HRH1: variants seen among roughly 807,000 people sequenced by gnomAD.
The protein encoded by HRH1 is histamine receptor H1.
In HRH1, 6 loss-of-function variants were observed where a neutral mutation model predicts 10.3. That is an observed-to-expected ratio of 0.58 (90% CI 0.32 to 1.15). The LOEUF is 1.15. Ranked by LOEUF, HRH1 falls within the 50% of genes most tolerant of loss-of-function variation. HRH1 has a pLI of 0.05. For missense variants in HRH1, 514 were observed against 615.3 expected (o/e 0.84, Z 1.74); for synonymous variants, 242 against 236.7 (o/e 1.02, Z -0.21).
At chr3:11,159,340 T>C (rs947046805) in intron 1 of HRH1, among the ~76,000 whole-genome samples, 3 of 152,276 alleles carry the variant, frequency 2.0e-5, no homozygotes, top group Non-Finnish European at 2.9e-5. Context: ...TCATGTTTAC[T>C]CTAGGTTTTT....
At position 11,254,015 on chromosome 3, in the gene HRH1, G is replaced by A. The variant is rs1051474551; in HGVS notation, c.-35-4988G>A. On this transcript the variant is annotated intron_variant, in intron 1 of 1. Transcript: ENST00000431010. The stretch of plus-strand genomic sequence containing the variant: ...AAACAGCAGTTTTTTATCATTTGCT[G>A]CTTTTTCTTGTGTTTGGTCCTTCCA... 3.3e-5 allele frequency among the ~76,000 whole-genome samples: 5 copies of A among 152,184 alleles called. No homozygotes were observed. The East Asian group carries it at 9.7e-4, about 29-fold the overall frequency.
intron 1 of HRH1, among the ~76,000 whole-genome samples, chr3:11,180,967 AC>A (rs1937341047): frequency 2.0e-5 from 3 of 149,642 alleles, no homozygotes; most frequent in Non-Finnish European, 4.5e-5. Flanking sequence ...ACACACACAC[AC>A]ACACACACAC....
chr3:11,251,751 A>C (rs1365119486), intron 1 of HRH1, among the ~76,000 whole-genome samples: 1 of 152,218 alleles, frequency 6.6e-6, no homozygotes, highest in African/African-American at 2.4e-5. Context: ...GTATTTTAAA[A>C]TTCTTGAGTC....
At chr3:11,230,708 T>G (rs933397129) in intron 1 of HRH1, among the ~76,000 whole-genome samples, 6 of 152,216 alleles carry the variant, frequency 3.9e-5, no homozygotes, top group Non-Finnish European at 7.3e-5. Context: ...CTGATTTGTT[T>G]AATCCTGGCT....
chr3:11,221,694 A>G (rs1938715425), intron 1 of HRH1, among the ~76,000 whole-genome samples: 1 of 152,150 alleles, frequency 6.6e-6, no homozygotes, highest in South Asian at 2.1e-4. Context: ...ATCCACCTCC[A>G]GAACTCTTCA....
chr3:11,160,132 T>C (rs1936895951), intron 1 of HRH1, among the ~76,000 whole-genome samples: 1 of 152,226 alleles, frequency 6.6e-6, no homozygotes, highest in African/African-American at 2.4e-5. Context: ...TGAGGGACAG[T>C]CAGATTCCAT....
At chr3:11,250,129 G>A (rs1286373664) in intron 1 of HRH1, among the ~76,000 whole-genome samples, 4 of 134,290 alleles carry the variant, frequency 3.0e-5, no homozygotes, top group African/African-American at 5.6e-5. Context: ...TGCAGGCTCC[G>A]ACTCCCGCGT....
intron 1 of HRH1, among the ~76,000 whole-genome samples, chr3:11,141,924 C>T (rs1056189100): frequency 7.9e-5 from 12 of 152,192 alleles, no homozygotes; most frequent in Admixed American, 4.6e-4. Context: ...CTGCCTAGCT[C>T]CTGTTCCCAG....
At chr3:11,198,332 A>G (rs1275876247) in intron 1 of HRH1, among the ~76,000 whole-genome samples, 1 of 151,904 alleles carries the variant, frequency 6.6e-6, no homozygotes, top group Non-Finnish European at 1.5e-5. Flanking sequence ...CCAATTCCCG[A>G]CGCTCTTAAC....
chr3:11,186,476 A>G (rs1237101232), intron 1 of HRH1, among the ~76,000 whole-genome samples: 4 of 152,148 alleles, frequency 2.6e-5, no homozygotes, highest in African/African-American at 4.8e-5. Context: ...CAGAAGTGAA[A>G]ACTGAGGCCC....
chr3:11,209,597 T>C (rs1051297029), intron 1 of HRH1, among the ~76,000 whole-genome samples: 3 of 152,238 alleles, frequency 2.0e-5, no homozygotes, highest in East Asian at 3.8e-4. Context: ...CAAAATGTCA[T>C]GGACTAGGCA....
At chr3:11,200,777 C>T (rs887369755) in intron 1 of HRH1, among the ~76,000 whole-genome samples, 22 of 152,136 alleles carry the variant, frequency 1.4e-4, no homozygotes, top group African/African-American at 5.1e-4. Context: ...ATTTGGCTTA[C>T]AAATGAGTAA....
At chr3:11,245,166 A>G (rs1489948788) in intron 1 of HRH1, among the ~76,000 whole-genome samples, 1 of 152,156 alleles carries the variant, frequency 6.6e-6, no homozygotes, top group Non-Finnish European at 1.5e-5. Context: ...CACCCTGGCC[A>G]ACATAGCAAA....
At chr3:11,222,587 G>A (rs1938741325) in intron 1 of HRH1, among the ~76,000 whole-genome samples, 1 of 152,158 alleles carries the variant, frequency 6.6e-6, no homozygotes. Context: ...AGAAAAGCAG[G>A]AGTGAAGCAG....
intron 1 of HRH1, among the ~76,000 whole-genome samples, chr3:11,238,117 T>C (rs1939237167): frequency 6.6e-6 from 1 of 152,128 alleles, no homozygotes; most frequent in South Asian, 2.1e-4. Context: ...CACTTAGCTT[T>C]AAAAATCCCA....
At chr3:11,157,614 G>C (rs7618407) in intron 1 of HRH1, among the ~76,000 whole-genome samples, 30,599 of 152,136 alleles carry the variant, frequency 0.2, 3,702 homozygotes, top group African/African-American at 0.33. Context: ...GCTGTCGGAG[G>C]GGGGGCCAGG....
intron 1 of HRH1, among the ~76,000 whole-genome samples, chr3:11,143,362 G>A (rs1265740915): frequency 6.6e-6 from 1 of 152,216 alleles, no homozygotes; most frequent in Non-Finnish European, 1.5e-5. Flanking sequence ...GAGAAGGCTT[G>A]TATGACTTGG....
At chr3:11,245,988 CCA>C (rs1012307054) in intron 1 of HRH1, among the ~76,000 whole-genome samples, 7 of 112,230 alleles carry the variant, frequency 6.2e-5, no homozygotes, top group South Asian at 2.8e-4. Flanking sequence ...TACTCAAAAA[CCA>C]CACACACACT....
chr3:11,181,886 T>C (rs984334844), intron 1 of HRH1, among the ~76,000 whole-genome samples: 1 of 151,360 alleles, frequency 6.6e-6, no homozygotes, highest in East Asian at 2.0e-4. Context: ...CCGCCTTGGC[T>C]TCCCAAAGTG....
Sources: gnomAD v4.1 joint callset for allele counts (sites outside exome capture counted in the v4.1 genomes callset) on GRCh38, gnomAD v4.1.1 for gene constraint, MANE v1.5 for transcripts, NCBI Gene and HGNC (gene_info 2026-07-23, HGNC 2026-07-21) for gene names.